Variants in RETN observed in about 807,000 individuals in gnomAD.
RETN encodes C/EBP-epsilon regulated myeloid-specific secreted cysteine-rich protein precursor 1.
A neutral mutation model predicts 6.1 loss-of-function variants in RETN; 5 were observed. The ratio of observed to expected loss-of-function variants is 0.82; its 90% CI spans 0.43 to 1.73. RETN has a LOEUF of 1.73. Among genes scored for constraint, RETN ranks in the 40% most tolerant of loss-of-function variants. The pLI, the probability that RETN is intolerant of heterozygous loss-of-function variation, is 0.02. For synonymous variants in RETN, 62 were observed against 59.2 expected (o/e 1.05, Z -0.22); for missense variants, 168 against 142.5 (o/e 1.18, Z -0.91).
intron 2 of RETN, 68 bp from the exon 3 acceptor site, chr19:7,669,753 A>C: frequency 7.1e-7 from 1 of 1,411,964 alleles, no homozygotes; most frequent in Non-Finnish European, 1.0e-6. Context: ...CAACAGGGCT[A>C]GGGGAGGATG....
rs745808740 is a variant in RETN at position 7,669,848 on chromosome 19, TG to T, written c.148del (p.Glu50SerfsTer85). On this transcript the variant is annotated frameshift_variant, in exon 3 of 4. Transcript: ENST00000221515. LOFTEE classifies it low-confidence loss of function (END_TRUNC). ...TTTAGGGCAATAAGCAGCATTGGCC[TG>T]GAGTGCCAGAGCGTCACCTCCAGGG... Reference protein sequence around the residue: ...LIFRAISSIGLECQSVTSRGD... With the variant: ...LIFRAISSIGXECQSVTSRGD... 2.5e-6 allele frequency: 4 copies of T among 1,614,142 alleles called. No individual in the cohort carries two copies. The highest frequency in any genetic ancestry group is 3.4e-6 in the Non-Finnish European group (4 of 1,180,020).
rs774224062 is a variant in RETN at position 7,670,354 on chromosome 19, G to C, written c.*5G>C. On this transcript the variant is annotated 3_prime_UTR_variant, in exon 4 of 4. Transcript: ENST00000221515. ...TGCTGTCGTGTGCAGCCCTGAGGTC[G>C]CGCGCAGCGCGTGCACAGCGCGGGC... is the stretch of plus-strand genomic sequence containing the variant. 1 of 1,545,406 alleles carries C rather than the reference G, an allele frequency of 6.5e-7. No homozygotes were observed. The highest frequency in any genetic ancestry group is 1.4e-5 in the African/African-American group (1 of 73,612).
chr19:7,669,271 A>G lies in RETN; in HGVS notation c.-10-46A>G, dbSNP rs925946582. 19 of 1,364,572 alleles carry G rather than the reference A, an allele frequency of 1.4e-5. No individual in the cohort carries two copies. In the African/African-American group the frequency reaches 2.6e-4, roughly 18 times the overall value. The allele number at this position is 1,364,572 out of a possible 1,614,324, so 84.5% of individuals were successfully genotyped here. ...CCTCCATGGGCCGGATCTTCCCCAC[A>G]GGGCAGGGCTGATCCAGCTGTGGGT... is the stretch of plus-strand genomic sequence containing the variant. On this transcript the variant is annotated intron_variant, in intron 1 of 3. Coordinates refer to ENST00000221515, the MANE Select transcript of RETN (RefSeq NM_020415.4).
At chr19:7,669,723 A>C in intron 2 of RETN, 98 bp from the exon 3 acceptor site, 3 of 1,096,514 alleles carry the variant, frequency 2.7e-6, no homozygotes, top group Non-Finnish European at 4.2e-6. Flanking sequence ...TCCTATGCCC[A>C]CAGGGACCTA....
At chr19:7,669,476 A>G (rs2146248063) in intron 2 of RETN, 32 bp downstream of exon 2, 1 of 1,477,698 alleles carries the variant, frequency 6.8e-7, no homozygotes, top group Middle Eastern at 1.7e-4. Flanking sequence ...AAGCTCCCCA[A>G]GGGTCTCAGA....
chr19:7,669,961 C>G, intron 3 of RETN, 63 bp downstream of exon 3: 1 of 1,250,250 alleles, frequency 8.0e-7, no homozygotes, highest in East Asian at 2.3e-5. Flanking sequence ...GGAATGCCCC[C>G]TCCCCGCCAC....
chr19:7,669,341 T>TCTCCTC lies in RETN; in HGVS notation c.23_28dup (p.Leu8_Leu9dup). On this transcript the variant is annotated inframe_insertion, in exon 2 of 4. Transcript: ENST00000221515. Reference sequence around the variant, plus strand: ...GCGCCTGCAGGATGAAAGCTCTCTGTCTCCTCCTCCTCCCTGTCCTGGGGC... The same window carrying TCTCCTC: ...GCGCCTGCAGGATGAAAGCTCTCTGTCTCCTCCTCCTCCTCCTCCCTGTCCTGGGGC... 1 of 1,613,280 alleles carries TCTCCTC rather than the reference T, an allele frequency of 6.2e-7. No homozygotes were observed.
At position 7,669,870 on chromosome 19, in the gene RETN, CA is replaced by C. The variant is rs756138270; in HGVS notation, c.169del (p.Arg57GlyfsTer78). The C allele has an allele frequency of 1.9e-6, 3 of 1,614,146 alleles. No homozygotes were observed. Among genetic ancestry groups the C allele is most frequent in the African/African-American group, 1.3e-5 (1 of 75,050 alleles). Reference sequence around the variant, plus strand: ...GCCTGGAGTGCCAGAGCGTCACCTCCAGGGGGGACCTGGCTACTTGCCCCCG... The same window carrying C: ...GCCTGGAGTGCCAGAGCGTCACCTCCGGGGGGACCTGGCTACTTGCCCCCG... The part of the protein sequence containing the change: ...IGLECQSVTS[R>X]GDLATCPRGF... On this transcript the variant is annotated frameshift_variant, in exon 3 of 4. Coordinates refer to ENST00000221515, the MANE Select transcript of RETN (RefSeq NM_020415.4). LOFTEE classifies it low-confidence loss of function (END_TRUNC).
In RETN at chr19:7,670,345, C is replaced by T; in HGVS notation, c.323C>T (p.Pro108Leu). ...WTGARCCRVQ[P>L] ...GGAGCGCGCTGCTGTCGTGTGCAGC[C>T]CTGAGGTCGCGCGCAGCGCGTGCAC... The change falls in exon 4 of 4, where the codon CCC (proline) becomes CTC (leucine). Residue 108 changes from proline to leucine, a missense_variant. Transcript: ENST00000221515. 1.3e-6 allele frequency: 2 copies of T among 1,550,676 alleles called. No homozygotes were observed. Among genetic ancestry groups the T allele is most frequent in the East Asian group, 2.4e-5 (1 of 42,000 alleles).
chr19:7,669,240 C>A, intron 1 of RETN, 77 bp from the exon 2 acceptor site: 1 of 1,026,204 alleles, frequency 9.7e-7, no homozygotes, highest in East Asian at 2.4e-5. Flanking sequence ...GGGGCAGATC[C>A]TACTCCCTCC....
At position 7,669,850 on chromosome 19, in the gene RETN, G is replaced by C; in HGVS notation, c.148G>C (p.Glu50Gln). 1 of 1,614,102 alleles carries C rather than the reference G, an allele frequency of 6.2e-7. No homozygotes were observed. The highest frequency in any genetic ancestry group is 8.5e-7 in the Non-Finnish European group (1 of 1,180,014). Residue 50 changes from glutamate to glutamine, a missense_variant, in exon 3 of 4, where the codon GAG becomes CAG. Physicochemically the swap from Glu to Gln is conservative, Grantham distance 29. Coordinates refer to ENST00000221515, the MANE Select transcript of RETN (RefSeq NM_020415.4). The stretch of plus-strand genomic sequence containing the variant: ...TAGGGCAATAAGCAGCATTGGCCTG[G>C]AGTGCCAGAGCGTCACCTCCAGGGG... Reference protein sequence around the residue: ...IFRAISSIGLECQSVTSRGDL... With the variant: ...IFRAISSIGLQCQSVTSRGDL...
Position 7,669,397 on chromosome 19 carries a change from T to G in RETN, c.71T>G (p.Met24Arg). 1 of 1,613,958 alleles carries G rather than the reference T, an allele frequency of 6.2e-7. No individual in the cohort carries two copies. Among genetic ancestry groups the G allele is most frequent in the Non-Finnish European group, 8.5e-7 (1 of 1,179,956 alleles). ...GTGTCTAGCAAGACCCTGTGCTCCA[T>G]GGAAGAAGCCATCAATGAGAGGATC... ...LLVSSKTLCS[M>R]EEAINERIQE... Residue 24 changes from methionine to arginine, a missense_variant, in exon 2 of 4, where the codon ATG becomes AGG. By Grantham distance (91) the Met-to-Arg change is moderately conservative (BLOSUM62 -1). Transcript: ENST00000221515.
intron 2 of RETN, 32 bp from the exon 3 acceptor site, chr19:7,669,789 C>A: frequency 6.3e-7 from 1 of 1,598,246 alleles, no homozygotes; most frequent in Non-Finnish European, 8.6e-7. Flanking sequence ...GGTCTCACAG[C>A]TCCCCCTGTC....
intron 2 of RETN, 76 bp from the exon 3 acceptor site, chr19:7,669,745 A>G (rs571839803): frequency 3.2e-5 from 43 of 1,362,100 alleles, no homozygotes; most frequent in Non-Finnish European, 4.4e-5. Flanking sequence ...CTCCAAACCA[A>G]CAGGGCTAGG....
intron 3 of RETN, 64 bp from the exon 4 acceptor site, chr19:7,670,155 C>T: frequency 1.4e-6 from 1 of 728,084 alleles, no homozygotes; most frequent in Non-Finnish European, 2.3e-6. Context: ...GCTCCCCACC[C>T]CCCTCCCGCT....
intron 3 of RETN, 112 bp from the exon 4 acceptor site, chr19:7,670,107 T>TGGCCGGGGG: frequency 4.6e-6 from 3 of 651,070 alleles, no homozygotes; most frequent in Non-Finnish European, 8.2e-6. Flanking sequence ...CCTCCAGCCG[T>TGGCCGGGGG]CCCCGTCCCC....
intron 1 of RETN, 39 bp from the exon 2 acceptor site, chr19:7,669,278 G>T: frequency 7.0e-7 from 1 of 1,428,634 alleles, no homozygotes; most frequent in Non-Finnish European, 9.9e-7. Context: ...CACAGGGCAG[G>T]GCTGATCCAG....
chr19:7,669,802 C>G lies in RETN; in HGVS notation c.119-19C>G, dbSNP rs947194193. ...TTGGTCTCACAGCTCCCCCTGTCTC[C>G]TTTCCTCCTGCCCCCCAGTATTTAG... On this transcript the variant is annotated intron_variant, in intron 2 of 3. Transcript: ENST00000221515. The G allele has an allele frequency of 3.1e-6, 5 of 1,612,784 alleles. No homozygotes were observed. In the East Asian group the frequency reaches 8.9e-5, roughly 29 times the overall value.
chr19:7,670,271 G>A lies in RETN; in HGVS notation c.249G>A (p.Val83=), dbSNP rs757429153. The change falls in exon 4 of 4, where the codon GTG becomes GTA. Residue 83 remains valine (V), a synonymous_variant. Coordinates refer to ENST00000221515, the MANE Select transcript of RETN (RefSeq NM_020415.4). ...TCGSACGSWD[V]RAETTCHCQC... ...GCTCCGCCTGTGGCTCGTGGGATGT[G>A]CGCGCCGAGACCACATGTCACTGCC... The A allele has an allele frequency of 1.6e-5, 25 of 1,596,042 alleles. No homozygotes were observed. Among genetic ancestry groups the A allele is most frequent in the Non-Finnish European group, 2.0e-5 (24 of 1,176,314 alleles).
Sources: gnomAD v4.1 joint callset for allele counts on GRCh38, gnomAD v4.1.1 for gene constraint, MANE v1.5 for transcripts, NCBI Gene and HGNC (gene_info 2026-07-23, HGNC 2026-07-21) for gene names.